Variants in KAZN observed in about 807,000 individuals in gnomAD.
KAZN encodes the protein kazrin.
In KAZN, 40 loss-of-function variants were observed where a neutral mutation model predicts 87.4. The ratio of observed to expected loss-of-function variants is 0.46; its 90% CI spans 0.36 to 0.60. KAZN has a LOEUF of 0.60. KAZN is among the 20% of genes least tolerant of loss of function. The probability of loss-of-function intolerance (pLI) is 0.00; values close to 1 mark genes in which losing one functional copy is unlikely to be tolerated. For synonymous variants in KAZN, 466 were observed against 458.3 expected (o/e 1.02, Z -0.22); for missense variants, 898 against 1,073.9 (o/e 0.84, Z 2.29).
chr1:14,315,496 G>T (rs1655593148), intron 2 of KAZN, among the ~76,000 whole-genome samples: 1 of 152,000 alleles, frequency 6.6e-6, no homozygotes, highest in Non-Finnish European at 1.5e-5. Context: ...CTAGAATCAA[G>T]ACATAAAACA....
intron 1 of KAZN, among the ~76,000 whole-genome samples, chr1:14,107,107 C>T (rs1644394474): frequency 6.7e-6 from 1 of 148,370 alleles, no homozygotes; most frequent in Non-Finnish European, 1.5e-5. Flanking sequence ...CTCACATTCT[C>T]AATACCTATT....
chr1:14,457,012 G>A (rs12141530), intron 2 of KAZN, among the ~76,000 whole-genome samples: 10,907 of 152,204 alleles, frequency 0.072, 599 homozygotes, highest in South Asian at 0.11. Context: ...CCCGGGAGGC[G>A]GAGGTTGCGG....
intron 2 of KAZN, among the ~76,000 whole-genome samples, chr1:15,000,243 G>A (rs948315436): frequency 2.7e-5 from 4 of 149,862 alleles, no homozygotes; most frequent in African/African-American, 5.1e-5. Context: ...GGATGCAGGC[G>A]GCCTCTAAAG....
At position 14,669,022 on chromosome 1, in the gene KAZN, T is replaced by C. The variant is rs72865090; in HGVS notation, c.226+69799T>C. Among the ~76,000 whole-genome samples the C allele has an allele frequency of 4.5e-3, 688 of 152,198 alleles. 9 individuals are homozygous for C. The highest frequency in any genetic ancestry group is 0.016 in the African/African-American group (656 of 41,518). ...TTGGACAAAGGGGGATTTTCAAAGG[T>C]TTATGCTATTCGTAAACATCTTTTA... On this transcript the variant is annotated intron_variant, in intron 1 of 14. Coordinates refer to ENST00000376030, the MANE Select transcript of KAZN (RefSeq NM_201628.3).
In KAZN at chr1:14,504,799, T is replaced by G. The variant is rs561253305; in HGVS notation, c.250-94184T>G. On this transcript the variant is annotated intron_variant, in intron 2 of 16. Transcript: ENST00000636203. ...AAAGTGCTGTAGGATAAATTTGTTC[T>G]CCCTTAATGGCCAAACTCATGTTCA... Among the ~76,000 whole-genome samples, 6 of 152,344 alleles carry G rather than the reference T, an allele frequency of 3.9e-5. No individual in the cohort carries two copies. In the South Asian group the frequency reaches 1.0e-3, roughly 26 times the overall value.
Position 15,103,999 on chromosome 1 carries a change from C to G in KAZN, c.1882-24C>G. On this transcript the variant is annotated intron_variant, in intron 12 of 14. Transcript: ENST00000376030. Reference sequence around the variant, plus strand: ...CAGCAGCATGGCCCCTGCAGGCTAACAAGTCCCCTGCCTTTGCCCCCAGGA... The same window carrying G: ...CAGCAGCATGGCCCCTGCAGGCTAAGAAGTCCCCTGCCTTTGCCCCCAGGA... The G allele has an allele frequency of 7.5e-6, 12 of 1,607,300 alleles. No homozygotes were observed. In the South Asian group the frequency reaches 1.2e-4, roughly 16 times the overall value.
At chr1:14,745,532 T>C (rs1371679308) in intron 1 of KAZN, among the ~76,000 whole-genome samples, 1 of 152,132 alleles carries the variant, frequency 6.6e-6, no homozygotes, top group Non-Finnish European at 1.5e-5. Context: ...GAAAGGAGGC[T>C]TTTTAAATCT....
At chr1:14,665,702 T>G (rs1639491699) in intron 1 of KAZN, among the ~76,000 whole-genome samples, 1 of 152,082 alleles carries the variant, frequency 6.6e-6, no homozygotes, top group South Asian at 2.1e-4. Context: ...ACGATTCAGT[T>G]AGAGAAAGCC....
chr1:14,753,095 G>A (rs1644458208), intron 1 of KAZN, among the ~76,000 whole-genome samples: 1 of 152,192 alleles, frequency 6.6e-6, no homozygotes, highest in Non-Finnish European at 1.5e-5. Flanking sequence ...TCGTGGTTGA[G>A]GTCAATTGCC....
intron 1 of KAZN, among the ~76,000 whole-genome samples, chr1:14,890,874 C>T (rs906031466): frequency 2.5e-5 from 3 of 120,056 alleles, no homozygotes; most frequent in Admixed American, 2.1e-4. Flanking sequence ...GAAGCAGTCT[C>T]GCTCTGTCGC....
chr1:15,002,702 G>A (rs184756437), intron 2 of KAZN, among the ~76,000 whole-genome samples: 2 of 151,820 alleles, frequency 1.3e-5, no homozygotes, highest in East Asian at 2.0e-4. Flanking sequence ...ACGGCTGGGC[G>A]TGGTAGCTCA....
chr1:14,680,129 T>C (rs1640481173), intron 1 of KAZN, among the ~76,000 whole-genome samples: 1 of 152,178 alleles, frequency 6.6e-6, no homozygotes, highest in African/African-American at 2.4e-5. Context: ...GTGACTCTTT[T>C]TAAAATTATC....
chr1:13,966,138 T>C (rs1641934798), intron 1 of KAZN, among the ~76,000 whole-genome samples: 1 of 152,096 alleles, frequency 6.6e-6, no homozygotes, highest in African/African-American at 2.4e-5. Context: ...GCCCTACCTA[T>C]TTCTCTCCCC....
At chr1:14,092,092 CTTT>C (rs869248379) in intron 1 of KAZN, among the ~76,000 whole-genome samples, 3 of 129,088 alleles carry the variant, frequency 2.3e-5, no homozygotes, top group Non-Finnish European at 3.3e-5. Context: ...ATTTTCTTTT[CTTT>C]TTTTTTTTTT....
intron 1 of KAZN, among the ~76,000 whole-genome samples, chr1:14,957,940 G>A (rs1162873440): frequency 6.6e-6 from 1 of 152,238 alleles, no homozygotes; most frequent in Non-Finnish European, 1.5e-5. Flanking sequence ...GAGGTGCCCT[G>A]GGAGGCCTCC....
intron 2 of KAZN, among the ~76,000 whole-genome samples, chr1:14,382,341 A>C (rs1002635939): frequency 1.3e-5 from 2 of 152,052 alleles, no homozygotes; most frequent in Non-Finnish European, 2.9e-5. Context: ...TTATACTTTT[A>C]AGTTTTAGGG....
Position 14,545,776 on chromosome 1 carries a change from T to G in KAZN, c.250-53207T>G, listed in dbSNP as rs573019548. The stretch of plus-strand genomic sequence containing the variant: ...AAACTCAGATAAAGGAGCATCCACC[T>G]ATAAGTCAAGTCAGAGGCAGGGAAA... On this transcript the variant is annotated intron_variant, in intron 2 of 16. Coordinates refer to the KAZN transcript ENST00000636203. 2.1e-4 allele frequency among the ~76,000 whole-genome samples: 32 copies of G among 152,324 alleles called. No homozygotes were observed. In the South Asian group the frequency reaches 6.6e-3, roughly 32 times the overall value.
At chr1:14,607,822 A>G (rs1468905234) in intron 1 of KAZN, among the ~76,000 whole-genome samples, 1 of 152,182 alleles carries the variant, frequency 6.6e-6, no homozygotes, top group Admixed American at 6.5e-5. Flanking sequence ...ATGTTCCAGG[A>G]TCAGAACTGG....
In KAZN at chr1:14,940,898, C is replaced by CTTTTTTTTTT. The variant is rs66777443; in HGVS notation, c.227-19764_227-19755dup. Among the ~76,000 whole-genome samples, 18 of 54,410 alleles carry CTTTTTTTTTT rather than the reference C, an allele frequency of 3.3e-4. 4 individuals are homozygous for CTTTTTTTTTT. The highest frequency in any genetic ancestry group is 1.2e-3 in the African/African-American group (14 of 12,030). The allele number at this position is 54,410 out of a possible 152,430, so 35.7% of individuals were successfully genotyped here. ...ACCAGACAGATGTCATTCTACCTTT[C>CTTTTTTTTTT]TTTTTTTTTTTTTTTTTTTTTTTTT... On this transcript the variant is annotated intron_variant, in intron 1 of 14. Transcript: ENST00000376030.
Sources: allele counts gnomAD v4.1 joint callset (sites outside exome capture counted in the v4.1 genomes callset), GRCh38; gene constraint gnomAD v4.1.1; transcripts MANE v1.5; gene names NCBI Gene and HGNC (gene_info 2026-07-23, HGNC 2026-07-21).